The following ZBTB20 variants were observed in gnomAD, a reference collection of about 807,000 sequenced individuals.
The protein encoded by ZBTB20 is zinc finger and BTB domain-containing protein 20.
In ZBTB20, 9 loss-of-function variants were observed where a neutral mutation model predicts 56.9. The observed-to-expected ratio is 0.16, with a 90% CI of 0.10 to 0.28. The LOEUF (loss-of-function observed/expected upper bound fraction) is 0.28. Ranked by LOEUF, ZBTB20 falls within the 10% of genes least tolerant of loss-of-function variation. ZBTB20 has a pLI of 1.00. For synonymous variants in ZBTB20, 417 were observed against 420.7 expected (o/e 0.99, Z 0.11); for missense variants, 655 against 1,003.0 (o/e 0.65, Z 4.69).
At chr3:114,819,438 A>G (rs991933903) in intron 4 of ZBTB20, among the ~76,000 whole-genome samples, 1 of 151,954 alleles carries the variant, frequency 6.6e-6, no homozygotes, top group African/African-American at 2.4e-5. Flanking sequence ...AAAGATACAC[A>G]AACTTATTTT....
intron 4 of ZBTB20, among the ~76,000 whole-genome samples, chr3:114,846,058 G>A (rs532973639): frequency 6.6e-6 from 1 of 152,166 alleles, no homozygotes; most frequent in Non-Finnish European, 1.5e-5. Context: ...ATAGATAGGT[G>A]GTTAGATAAA....
At chr3:114,682,371 C>T (rs886144276) in intron 6 of ZBTB20, among the ~76,000 whole-genome samples, 2 of 152,102 alleles carry the variant, frequency 1.3e-5, no homozygotes, top group African/African-American at 4.8e-5. Flanking sequence ...CTTTTGTATG[C>T]TTTCTATACT....
intron 10 of ZBTB20, among the ~76,000 whole-genome samples, chr3:114,375,627 G>C (rs1264353747): frequency 6.6e-6 from 1 of 152,198 alleles, no homozygotes; most frequent in Non-Finnish European, 1.5e-5. Context: ...CCCCGAACCA[G>C]ATGCTCTAAG....
chr3:115,083,304 C>G (rs1326611101), intron 1 of ZBTB20, among the ~76,000 whole-genome samples: 1 of 151,998 alleles, frequency 6.6e-6, no homozygotes, highest in Non-Finnish European at 1.5e-5. Flanking sequence ...CCCATCTTCT[C>G]CTCACAGCCT....
At position 114,331,105 on chromosome 3, in the gene ZBTB20, A is replaced by ATG. The variant is rs58242110; in HGVS notation, c.*7898_*7899dup. 0.34 allele frequency: 50,964 copies of ATG among 148,504 alleles called. 9,088 individuals carry two copies. The highest frequency in any genetic ancestry group is 0.56 in the East Asian group (2,765 of 4,972). The allele number at this position is 148,504 out of a possible 1,614,324, so 9.2% of individuals were successfully genotyped here. A position where few individuals can be genotyped will look rare whatever the true frequency, so the allele number is the denominator to read the frequency against. ...AAGCTTTAGTTTGAGAATAAAATTTATGTGTGTGTGTGTGTGTGTGTGTGT... is the reference window on the plus strand; with the variant it reads ...AAGCTTTAGTTTGAGAATAAAATTTATGTGTGTGTGTGTGTGTGTGTGTGTGT... On this transcript the variant is annotated 3_prime_UTR_variant, in exon 12 of 12. Transcript: ENST00000675478.
At chr3:114,419,613 C>T (rs556516793) in intron 7 of ZBTB20, among the ~76,000 whole-genome samples, 13 of 152,162 alleles carry the variant, frequency 8.5e-5, no homozygotes, top group African/African-American at 3.1e-4. Context: ...TGAAGGCCAT[C>T]CTCTTTGTAT....
At chr3:115,088,589 T>C (rs1418792435) in intron 1 of ZBTB20, among the ~76,000 whole-genome samples, 1 of 151,862 alleles carries the variant, frequency 6.6e-6, no homozygotes, top group African/African-American at 2.4e-5. Flanking sequence ...TATCAATAAT[T>C]TGCATATTAT....
intron 4 of ZBTB20, among the ~76,000 whole-genome samples, chr3:114,857,921 T>C (rs562139537): frequency 6.6e-6 from 1 of 152,124 alleles, no homozygotes; most frequent in Non-Finnish European, 1.5e-5. Context: ...CACTTAAAAA[T>C]AAAATCGGAT....
chr3:114,758,141 T>G (rs1560215564), intron 5 of ZBTB20, among the ~76,000 whole-genome samples: 1 of 152,126 alleles, frequency 6.6e-6, no homozygotes, highest in Non-Finnish European at 1.5e-5. Context: ...CTGCAATGGA[T>G]ATATATATTC....
chr3:114,621,686 C>A (rs773764894), intron 6 of ZBTB20, among the ~76,000 whole-genome samples: 3 of 151,992 alleles, frequency 2.0e-5, no homozygotes, highest in Non-Finnish European at 4.4e-5. Flanking sequence ...AAAATATGCA[C>A]GCAAGAAAAT....
intron 2 of ZBTB20, among the ~76,000 whole-genome samples, chr3:115,007,656 G>T (rs73857883): frequency 0.092 from 14,021 of 151,704 alleles, 1,895 homozygotes; most frequent in African/African-American, 0.3. Context: ...GATTTGCTCT[G>T]TTACCACTTT....
chr3:114,807,212 T>G (rs773877061), intron 4 of ZBTB20, among the ~76,000 whole-genome samples: 2 of 152,094 alleles, frequency 1.3e-5, no homozygotes, highest in Non-Finnish European at 2.9e-5. Flanking sequence ...TATAATTGAT[T>G]TCTGTACAAT....
chr3:114,671,391 C>T (rs1043821998), intron 6 of ZBTB20, among the ~76,000 whole-genome samples: 4 of 151,956 alleles, frequency 2.6e-5, no homozygotes, highest in Non-Finnish European at 4.4e-5. Context: ...AAGAGGACCC[C>T]CCAAATAGTT....
chr3:115,091,773 T>C (rs967694790), intron 1 of ZBTB20, among the ~76,000 whole-genome samples: 1 of 151,700 alleles, frequency 6.6e-6, no homozygotes, highest in African/African-American at 2.4e-5. Flanking sequence ...TAATCATTTG[T>C]TTAGACCTCA....
chr3:115,088,726 C>T (rs1423441193), intron 1 of ZBTB20, among the ~76,000 whole-genome samples: 3 of 151,668 alleles, frequency 2.0e-5, no homozygotes, highest in Non-Finnish European at 4.4e-5. Flanking sequence ...CAGACAAGAA[C>T]ATCAGGAATG....
At chr3:114,923,062 T>C (rs774971677) in intron 3 of ZBTB20, among the ~76,000 whole-genome samples, 5 of 152,134 alleles carry the variant, frequency 3.3e-5, no homozygotes, top group Non-Finnish European at 7.4e-5. Context: ...TCTTAGACAC[T>C]GATGAAAGAA....
intron 1 of ZBTB20, among the ~76,000 whole-genome samples, chr3:115,077,042 T>G (rs1279362611): frequency 6.6e-6 from 1 of 152,164 alleles, no homozygotes; most frequent in Non-Finnish European, 1.5e-5. Context: ...GACACTCACC[T>G]CCTGCTGGGC....
At chr3:114,346,389 T>C (rs894735246) in intron 11 of ZBTB20, among the ~76,000 whole-genome samples, 2 of 152,200 alleles carry the variant, frequency 1.3e-5, no homozygotes, top group African/African-American at 2.4e-5. Flanking sequence ...AGCTCTCACA[T>C]GCATCATACG....
chr3:114,878,093 C>T (rs963738746), intron 4 of ZBTB20, among the ~76,000 whole-genome samples: 1 of 152,150 alleles, frequency 6.6e-6, no homozygotes, highest in Non-Finnish European at 1.5e-5. Context: ...TCCATTTCCT[C>T]TCCAGTTTGG....
Sources: allele counts gnomAD v4.1 joint callset (sites outside exome capture counted in the v4.1 genomes callset), GRCh38; gene constraint gnomAD v4.1.1; transcripts MANE v1.5; gene names NCBI Gene and HGNC (gene_info 2026-07-23, HGNC 2026-07-21).